Variants in COL4A3 observed in about 807,000 individuals in gnomAD.
COL4A3 encodes the protein collagen alpha-3(IV) chain.
A neutral mutation model predicts 217.4 loss-of-function variants in COL4A3; 135 were observed. The ratio of observed to expected loss-of-function variants is 0.62; its 90% CI spans 0.54 to 0.72. The LOEUF (loss-of-function observed/expected upper bound fraction) is 0.72. Ranked by LOEUF, COL4A3 falls within the 30% of genes least tolerant of loss-of-function variation. COL4A3 has a pLI of 0.00. For missense variants in COL4A3, 1,868 were observed against 2,119.9 expected (o/e 0.88, Z 2.33); for synonymous variants, 690 against 736.3 (o/e 0.94, Z 1.02).
chr2:227,190,761 G>A (rs1421980097), intron 1 of COL4A3, among the ~76,000 whole-genome samples: 2 of 152,122 alleles, frequency 1.3e-5, no homozygotes, highest in African/African-American at 4.8e-5. Context: ...TAAAAAATTA[G>A]TCAGGCCTGG....
chr2:227,207,311 TA>T (rs144442044), intron 1 of COL4A3, among the ~76,000 whole-genome samples: 4 of 152,092 alleles, frequency 2.6e-5, no homozygotes, highest in Non-Finnish European at 5.9e-5. Context: ...AAACACACAC[TA>T]AAAAAATGCA....
chr2:227,278,799 A>T (rs2071752493), intron 28 of COL4A3, among the ~76,000 whole-genome samples: 1 of 152,216 alleles, frequency 6.6e-6, no homozygotes, highest in Non-Finnish European at 1.5e-5. Flanking sequence ...TTACAATTTC[A>T]CAATTGAATC....
intron 1 of COL4A3, among the ~76,000 whole-genome samples, chr2:227,179,385 A>T (rs1231186345): frequency 2.0e-5 from 3 of 147,744 alleles, no homozygotes; most frequent in South Asian, 2.1e-4. Context: ...CATGAGACTT[A>T]AAAAAAGCAT....
intron 28 of COL4A3, among the ~76,000 whole-genome samples, chr2:227,279,057 G>A (rs530063831): frequency 1.3e-5 from 2 of 151,190 alleles, no homozygotes; most frequent in African/African-American, 4.8e-5. Flanking sequence ...AGGCTACCTG[G>A]GGTGCTGAAA....
chr2:227,267,635 G>T lies in COL4A3; in HGVS notation c.1504+547G>T, dbSNP rs1300689500. Among the ~76,000 whole-genome samples the T allele has an allele frequency of 2.6e-5, 4 of 152,126 alleles. No individual in the cohort carries two copies. The East Asian group carries it at 5.8e-4, about 22-fold the overall frequency. ...GAGGGTACATTTGAACGGGCCAGCG[G>T]GCACTTGGCTGCAGCCCATTGTTAC... On this transcript the variant is annotated intron_variant, in intron 23 of 51. Transcript: ENST00000396578.
intron 1 of COL4A3, among the ~76,000 whole-genome samples, chr2:227,183,580 C>T (rs1356417949): frequency 6.6e-6 from 1 of 152,070 alleles, no homozygotes; most frequent in Non-Finnish European, 1.5e-5. Context: ...GGTGGAGTTA[C>T]CAAACTTGGC....
intron 1 of COL4A3, among the ~76,000 whole-genome samples, chr2:227,186,941 G>A (rs764228760): frequency 6.1e-4 from 93 of 152,296 alleles, no homozygotes; most frequent in South Asian, 2.3e-3. Context: ...GTGTCCTCAC[G>A]TGGTGGAAGG....
At chr2:227,254,613 A>T (rs1437640221) in intron 14 of COL4A3, 43 bp from the exon 15 acceptor site, 2 of 1,430,440 alleles carry the variant, frequency 1.4e-6, no homozygotes, top group Non-Finnish European at 2.0e-6. Context: ...TAAGTAAAAA[A>T]ATCAGTAATT....
rs2071578873 is a variant in COL4A3 at position 227,276,563 on chromosome 2, A to C, written c.2020+86A>C. ...TTGGAAAAATACTGTCCCCATTATAAGGAAAAAAATGTATTCATTGGCTCC... is the reference window on the plus strand; with the variant it reads ...TTGGAAAAATACTGTCCCCATTATACGGAAAAAAATGTATTCATTGGCTCC... On this transcript the variant is annotated intron_variant, in intron 27 of 51. Transcript: ENST00000396578. The C allele has an allele frequency of 2.9e-6, 3 of 1,039,594 alleles. No homozygotes were observed. The African/African-American group carries it at 4.7e-5, about 16-fold the overall frequency. 64.4% of individuals were successfully genotyped at this position (1,039,594 alleles called of 1,614,324 possible).
intron 41 of COL4A3, among the ~76,000 whole-genome samples, chr2:227,297,021 T>C (rs958774579): frequency 6.6e-6 from 1 of 152,054 alleles, no homozygotes; most frequent in African/African-American, 2.4e-5. Flanking sequence ...TTTTCTAAGA[T>C]GAAAAATATT....
chr2:227,280,631 CT>C, intron 30 of COL4A3, 41 bp downstream of exon 30: 1 of 1,608,372 alleles, frequency 6.2e-7, no homozygotes, highest in East Asian at 2.2e-5. Context: ...ACTGTGAGCT[CT>C]GCTAAAATGC....
chr2:227,191,153 A>T lies in COL4A3; in HGVS notation c.87+26340A>T, dbSNP rs2125701543. 6.6e-6 allele frequency among the ~76,000 whole-genome samples: 1 copy of T among 152,260 alleles called. No homozygotes were observed. Among genetic ancestry groups the T allele is most frequent in the East Asian group, 1.9e-4 (1 of 5,180 alleles). On this transcript the variant is annotated intron_variant, in intron 1 of 51. Coordinates refer to ENST00000396578, the MANE Select transcript of COL4A3 (RefSeq NM_000091.5). This position sits in a 1 kb window ranked among gnomAD's most constrained non-coding sequence, Gnocchi z 6.8. ...AATTTTTGACATTTAAATTTTCTCA[A>T]CCACTTTGCTCTTTTTGGATACTTG...
intron 47 of COL4A3, among the ~76,000 whole-genome samples, chr2:227,306,180 C>T (rs907482436): frequency 2.0e-5 from 3 of 151,996 alleles, no homozygotes; most frequent in Non-Finnish European, 4.4e-5. Context: ...AAGAATGGGG[C>T]AACAGCAAGA....
intron 1 of COL4A3, among the ~76,000 whole-genome samples, chr2:227,199,135 A>G (rs988228613): frequency 1.3e-5 from 2 of 152,186 alleles, no homozygotes; most frequent in Non-Finnish European, 2.9e-5. Flanking sequence ...GCTCAGAGGA[A>G]CATATTACCA....
chr2:227,199,002 G>A (rs569081698), intron 1 of COL4A3, among the ~76,000 whole-genome samples: 6 of 152,088 alleles, frequency 3.9e-5, no homozygotes, highest in Admixed American at 1.3e-4. Flanking sequence ...ATGGCCCTGC[G>A]GAGTCACAGG....
Position 227,183,583 on chromosome 2 carries a change from A to G in COL4A3, c.87+18770A>G, listed in dbSNP as rs116064821. On this transcript the variant is annotated intron_variant, in intron 1 of 51. Transcript: ENST00000396578. ...TGACTCAAACTTGGTGGAGTTACCA[A>G]ACTTGGCCAAAAGGACTCCAAACCA... Among the ~76,000 whole-genome samples the G allele has an allele frequency of 5.9e-3, 901 of 152,244 alleles. 8 individuals carry two copies. Among genetic ancestry groups the G allele is most frequent in the Admixed American group, 0.016 (250 of 15,290 alleles).
rs897068026 is a variant in COL4A3 at position 227,251,010 on chromosome 2, C to T, written c.547-130C>T. ...TTTTGATGTTTGTTATCATTAGCTG[C>T]AGCCACTGAAAGGGGAGGTGTTATG... On this transcript the variant is annotated intron_variant, in intron 9 of 51. Coordinates refer to ENST00000396578, the MANE Select transcript of COL4A3 (RefSeq NM_000091.5). 9 of 748,104 alleles carry T rather than the reference C, an allele frequency of 1.2e-5. No individual in the cohort carries two copies. In the African/African-American group the frequency reaches 1.4e-4, roughly 12 times the overall value. The allele number at this position is 748,104 out of a possible 1,614,324, so 46.3% of individuals were successfully genotyped here.
chr2:227,252,355 A>G (rs1347082155), intron 11 of COL4A3, among the ~76,000 whole-genome samples: 1 of 150,932 alleles, frequency 6.6e-6, no homozygotes, highest in Non-Finnish European at 1.5e-5. Context: ...GTGGAATTAC[A>G]GGTGTGCATC....
At chr2:227,247,425 A>G (rs1436445254) in intron 7 of COL4A3, 133 bp from the exon 8 acceptor site, 1 of 821,656 alleles carries the variant, frequency 1.2e-6, no homozygotes, top group Admixed American at 1.7e-5. Context: ...TTAAGGGAAG[A>G]CTTTGCTTTG....
Sources: allele counts gnomAD v4.1 joint callset (sites outside exome capture counted in the v4.1 genomes callset), GRCh38; gene constraint gnomAD v4.1.1; non-coding constraint Gnocchi (gnomAD v3.1); transcripts MANE v1.5; gene names NCBI Gene and HGNC (gene_info 2026-07-23, HGNC 2026-07-21).